AGL: variants seen among roughly 807,000 people sequenced by gnomAD.
The protein encoded by AGL is glycogen debranching enzyme.
In AGL, 128 loss-of-function variants were observed where a neutral mutation model predicts 199.3. The ratio of observed to expected loss-of-function variants is 0.64; its 90% CI spans 0.56 to 0.74. AGL has a LOEUF of 0.74. AGL is among the 30% of genes least tolerant of loss of function. The pLI is 0.00. For missense variants in AGL, 1,809 were observed against 1,820.8 expected (o/e 0.99, Z 0.12); for synonymous variants, 584 against 594.7 (o/e 0.98, Z 0.26).
rs571300650 is a variant in AGL, at chr1:99,858,142, AT to A, written c.83-3360del. Among the ~76,000 whole-genome samples the A allele has an allele frequency of 3.1e-4, 47 of 152,306 alleles. 1 individual carries two copies. The East Asian group carries it at 7.3e-3, about 24-fold the overall frequency. On this transcript the variant is annotated intron_variant, in intron 2 of 33. Coordinates refer to ENST00000361915, the MANE Select transcript of AGL (RefSeq NM_000642.3). The stretch of plus-strand genomic sequence containing the variant: ...TATATTATCTTAAATAACAGTCTCT[AT>A]ATTACTTTGTAAGGAGAGGTAGAGT...
intron 4 of AGL, among the ~76,000 whole-genome samples, chr1:99,862,945 A>G (rs909544193): frequency 3.3e-5 from 5 of 151,830 alleles, no homozygotes; most frequent in African/African-American, 1.2e-4. Context: ...CCATATTAAA[A>G]AAAAATTTTT....
chr1:99,877,121 G>A (rs3766596), intron 11 of AGL, among the ~76,000 whole-genome samples: 78,378 of 151,856 alleles, frequency 0.52, 20,682 homozygotes, highest in East Asian at 0.67. Context: ...TTAACATTTC[G>A]AAACTAGGAG....
chr1:99,918,381 T>C (rs1655285184), intron 33 of AGL, among the ~76,000 whole-genome samples: 1 of 152,208 alleles, frequency 6.6e-6, no homozygotes, highest in Admixed American at 6.5e-5. Flanking sequence ...ATGATTACAG[T>C]GACTCTTTTA....
intron 20 of AGL, among the ~76,000 whole-genome samples, chr1:99,886,478 C>T (rs1266260663): frequency 7.9e-6 from 1 of 126,264 alleles, no homozygotes; most frequent in Admixed American, 8.5e-5. Flanking sequence ...GAGCAAGACC[C>T]TGTCTCTAGA....
intron 30 of AGL, among the ~76,000 whole-genome samples, chr1:99,914,730 A>G (rs975616875): frequency 6.6e-6 from 1 of 152,162 alleles, no homozygotes; most frequent in Non-Finnish European, 1.5e-5. Context: ...TGGGTATCAG[A>G]TGTACTTAAA....
intron 27 of AGL, 118 bp downstream of exon 27, chr1:99,902,912 T>C: frequency 2.5e-6 from 2 of 797,204 alleles, no homozygotes; most frequent in Non-Finnish European, 4.2e-6. Flanking sequence ...TTAAAAAGAT[T>C]AACATAGTTC....
intron 7 of AGL, among the ~76,000 whole-genome samples, chr1:99,871,901 A>G (rs1191993674): frequency 6.6e-6 from 1 of 151,896 alleles, no homozygotes; most frequent in Non-Finnish European, 1.5e-5. Context: ...GCTACTACAT[A>G]TTGTTTCTTG....
chr1:99,890,120 C>CAT (rs1259562775), intron 21 of AGL, among the ~76,000 whole-genome samples: 1 of 152,060 alleles, frequency 6.6e-6, no homozygotes, highest in Non-Finnish European at 1.5e-5. Flanking sequence ...TTGGGTACAC[C>CAT]ATATCCTTTT....
Position 99,910,746 on chromosome 1 carries a change from AG to A in AGL, c.3737del (p.Gly1246AspfsTer44). On this transcript the variant is annotated frameshift_variant, in exon 28 of 34. Coordinates refer to ENST00000361915, the MANE Select transcript of AGL (RefSeq NM_000642.3). LOFTEE classifies it high-confidence loss of function. ...TAACTGCAGGAGTTGATGAAGAAAC[AG>A]GATTTGTTTATGGAGGAAATCGTTT... is the stretch of plus-strand genomic sequence containing the variant. ...NITAGVDEET[G>X]FVYGGNRFNC... is the part of the protein sequence containing the mutation. The A allele has an allele frequency of 6.2e-7, 1 of 1,610,928 alleles. No homozygotes were observed. Among genetic ancestry groups the A allele is most frequent in the Non-Finnish European group, 8.5e-7 (1 of 1,177,342 alleles).
At chr1:99,893,353 A>G (rs576941800) in intron 24 of AGL, among the ~76,000 whole-genome samples, 46 of 152,196 alleles carry the variant, frequency 3.0e-4, no homozygotes, top group Non-Finnish European at 5.3e-4. Context: ...TAAAATGAAA[A>G]TTACCTTTCC....
chr1:99,912,995 G>A (rs1654857285), intron 29 of AGL, among the ~76,000 whole-genome samples: 1 of 152,162 alleles, frequency 6.6e-6, no homozygotes, highest in East Asian at 1.9e-4. Flanking sequence ...GGCCAAGGCA[G>A]GCAGATCGCT....
intron 21 of AGL, 66 bp downstream of exon 21, chr1:99,888,174 C>T (rs1652599034): frequency 6.3e-7 from 1 of 1,591,724 alleles, no homozygotes; most frequent in Non-Finnish European, 8.6e-7. Flanking sequence ...GTCTTCTTTA[C>T]AGACATAGAT....
In AGL at chr1:99,874,729, C is replaced by T. The variant is rs140348042; in HGVS notation, c.1001C>T (p.Thr334Met). The T allele has an allele frequency of 5.6e-6, 9 of 1,599,200 alleles. No homozygotes were observed. The highest frequency in any genetic ancestry group is 4.5e-5 in the East Asian group (2 of 44,840). ...AAGTCTGATCCAAACCAACACCTTACGATTATTCAAGATCCTGAATACAGA... is the reference window on the plus strand; with the variant it reads ...AAGTCTGATCCAAACCAACACCTTATGATTATTCAAGATCCTGAATACAGA... The part of the protein sequence containing the change: ...VTKSDPNQHL[T>M]IIQDPEYRRF... Residue 334 changes from threonine (T) to methionine (M), a missense_variant, in exon 8 of 34, where the codon ACG becomes ATG. Coordinates refer to ENST00000361915, the MANE Select transcript of AGL (RefSeq NM_000642.3).
intron 4 of AGL, among the ~76,000 whole-genome samples, chr1:99,863,748 C>CTTTTTT (rs11372707): frequency 1.7e-5 from 2 of 118,882 alleles, no homozygotes; most frequent in African/African-American, 3.1e-5. Context: ...TGCGCCTGGC[C>CTTTTTT]TTTTTTTTTT....
chr1:99,876,661 A>G (rs1651563460), intron 11 of AGL, 64 bp downstream of exon 11: 4 of 1,579,950 alleles, frequency 2.5e-6, no homozygotes, highest in African/African-American at 2.7e-5. Flanking sequence ...TCAAAATAAA[A>G]TCTGCTTTAC....
At chr1:99,919,415 C>G (rs971682892) in intron 33 of AGL, among the ~76,000 whole-genome samples, 2 of 152,160 alleles carry the variant, frequency 1.3e-5, no homozygotes, top group Admixed American at 6.5e-5. Context: ...GTTTTCAACA[C>G]TCATCTTTCA....
rs1652930696 is a variant in AGL at position 99,891,948 on chromosome 1, AATAAAAC to A, written c.3083+213_3083+219del. ...TATTATAAAATCTGTTCTAAAAGCT[AATAAAAC>A]ATATTGATAAGAATATTGTTTTATA... is the stretch of plus-strand genomic sequence containing the variant. On this transcript the variant is annotated intron_variant, in intron 23 of 33. Coordinates refer to ENST00000361915, the MANE Select transcript of AGL (RefSeq NM_000642.3). Among the ~76,000 whole-genome samples, 3 of 152,260 alleles carry A rather than the reference AATAAAAC, an allele frequency of 2.0e-5. No homozygotes were observed. The South Asian group carries it at 6.2e-4, about 32-fold the overall frequency.
Position 99,862,423 on chromosome 1 carries a change from G to C in AGL, c.460G>C (p.Gly154Arg). 6.2e-7 allele frequency: 1 copy of C among 1,613,796 alleles called. No individual in the cohort carries two copies. Among genetic ancestry groups the C allele is most frequent in the African/African-American group, 1.3e-5 (1 of 74,992 alleles). Reference sequence around the variant, plus strand: ...CAGACTTAGGGTTGCAAAAGAATCAGGTAATGTCAGCTTGCTTTCTTTTTC... The same window carrying C: ...CAGACTTAGGGTTGCAAAAGAATCACGTAATGTCAGCTTGCTTTCTTTTTC... ...ESRLRVAKES[G>R]YNMIHFTPLQ... The change falls in exon 4 of 34, where the codon GGC becomes CGC. Residue 154 changes from glycine to arginine, a missense_variant and splice_region_variant. Physicochemically the swap from Gly to Arg is moderately radical, Grantham distance 125. Coordinates refer to ENST00000361915, the MANE Select transcript of AGL (RefSeq NM_000642.3).
chr1:99,910,405 G>C (rs1654654068), intron 27 of AGL, among the ~76,000 whole-genome samples: 2 of 152,062 alleles, frequency 1.3e-5, no homozygotes, highest in Non-Finnish European at 2.9e-5. Flanking sequence ...TTCCTCTATT[G>C]AGCAGTTATT....
Sources: allele counts gnomAD v4.1 joint callset (sites outside exome capture counted in the v4.1 genomes callset), GRCh38; gene constraint gnomAD v4.1.1; transcripts MANE v1.5; gene names NCBI Gene and HGNC (gene_info 2026-07-23, HGNC 2026-07-21).